The following TMEM182 variants were observed in gnomAD, a reference collection of about 807,000 sequenced individuals.
The protein encoded by TMEM182 is transmembrane protein 182.
In TMEM182, 20 loss-of-function variants were observed where a neutral mutation model predicts 26.8. The ratio of observed to expected loss-of-function variants is 0.75; its 90% confidence interval spans 0.53 to 1.09. TMEM182 has a LOEUF of 1.09. TMEM182 is among the 50% of genes least tolerant of loss of function. The pLI, the probability that TMEM182 is intolerant of heterozygous loss-of-function variation, is 0.00. For missense variants in TMEM182, 277 were observed against 275.5 expected, an observed-to-expected ratio of 1.01 and a Z score of -0.04; for synonymous variants, 109 against 102.2, an observed-to-expected ratio of 1.07 and a Z score of -0.40.
At chr2:102,769,041 G>A (rs1213730972) in intron 3 of TMEM182, among the ~76,000 whole-genome samples, 1 of 152,154 alleles carries the variant, frequency 6.6e-6, no homozygotes, top group African/African-American at 2.4e-5. Flanking sequence ...TACCATCCTT[G>A]GGGGTGGACA....
In TMEM182 at chr2:102,762,619, C is replaced by T; in HGVS notation, c.165C>T (p.Phe55=). 2 of 1,613,830 alleles carry T rather than the reference C, an allele frequency of 1.2e-6. No homozygotes were observed. The highest frequency in any genetic ancestry group is 1.3e-5 in the African/African-American group (1 of 75,002). ...IENVTFHHEG[F]FWRCWFNGIV... is the part of the protein sequence containing the mutation. Reference sequence around the variant, plus strand: ...ACGTCACTTTTCACCATGAAGGGTTCTTCTGGAGGTGTTGGTTTAATGGGA... The same window carrying T: ...ACGTCACTTTTCACCATGAAGGGTTTTTCTGGAGGTGTTGGTTTAATGGGA... The change falls in exon 2 of 5, where the codon TTC becomes TTT. Residue 55 remains phenylalanine (F), a synonymous_variant. Transcript: ENST00000412401.
At chr2:102,820,428 G>A (rs1308680701), downstream of TMEM182, among the ~76,000 whole-genome samples, 2 of 152,142 alleles carry the variant, frequency 1.3e-5, no homozygotes, top group Non-Finnish European at 2.9e-5. Context: ...GGGATATAGA[G>A]AACAGACAAG....
intron 3 of TMEM182, among the ~76,000 whole-genome samples, chr2:102,783,312 G>T (rs1681251565): frequency 6.6e-6 from 1 of 152,190 alleles, no homozygotes; most frequent in Non-Finnish European, 1.5e-5. Context: ...AAACTGGAAA[G>T]TTCAATGTAT....
intron 3 of TMEM182, among the ~76,000 whole-genome samples, chr2:102,840,059 A>AC (rs1356775339): frequency 2.6e-5 from 4 of 152,160 alleles, no homozygotes; most frequent in African/African-American, 9.7e-5. Flanking sequence ...GGGAGAAGAA[A>AC]CCAACATCCC....
At chr2:102,776,123 A>G (rs1031584992) in intron 3 of TMEM182, among the ~76,000 whole-genome samples, 7 of 152,172 alleles carry the variant, frequency 4.6e-5, no homozygotes, top group Non-Finnish European at 8.8e-5. Context: ...AGTTTCTCCT[A>G]TTATTAACAT....
chr2:102,762,408 T>C, intron 1 of TMEM182, 59 bp downstream of exon 1: 1 of 1,603,980 alleles, frequency 6.2e-7, no homozygotes, highest in Non-Finnish European at 8.5e-7. Flanking sequence ...CCCTTATGTA[T>C]GCTCTTGAAA....
chr2:102,823,991 TAAAAG>T (rs1318982117), intron 3 of TMEM182, among the ~76,000 whole-genome samples: 1 of 152,148 alleles, frequency 6.6e-6, no homozygotes, highest in African/African-American at 2.4e-5. Context: ...TGCTTTAAGA[TAAAAG>T]GAAAGTGCAG....
chr2:102,794,586 G>A (rs912190631), intron 3 of TMEM182, among the ~76,000 whole-genome samples: 1 of 152,124 alleles, frequency 6.6e-6, no homozygotes, highest in Admixed American at 6.5e-5. Context: ...TTAGTTGAAG[G>A]TCTTTTCTTT....
At chr2:102,778,232 G>A (rs1385147997) in intron 3 of TMEM182, among the ~76,000 whole-genome samples, 1 of 151,794 alleles carries the variant, frequency 6.6e-6, no homozygotes, top group Non-Finnish European at 1.5e-5. Flanking sequence ...TGTCTTCTTA[G>A]TAGATTGAGC....
intron 1 of TMEM182, among the ~76,000 whole-genome samples, chr2:102,753,485 G>A (rs1011599675): frequency 1.3e-5 from 2 of 151,934 alleles, no homozygotes; most frequent in East Asian, 1.9e-4. Flanking sequence ...AAGGCTATTC[G>A]GCATCAAATA....
intron 4 of TMEM182, among the ~76,000 whole-genome samples, chr2:102,814,182 T>C (rs570577334): frequency 6.6e-6 from 1 of 152,210 alleles, no homozygotes; most frequent in East Asian, 1.9e-4. Flanking sequence ...AGTGCTTACT[T>C]TGGTTTCTAT....
intron 4 of TMEM182, among the ~76,000 whole-genome samples, chr2:102,804,341 C>T (rs1682267523): frequency 6.6e-6 from 1 of 151,978 alleles, no homozygotes; most frequent in Non-Finnish European, 1.5e-5. Flanking sequence ...CCCCAAAGTC[C>T]ATTGTATCAT....
intron 3 of TMEM182, among the ~76,000 whole-genome samples, chr2:102,833,033 T>C (rs1358010609): frequency 6.6e-6 from 1 of 152,162 alleles, no homozygotes; most frequent in Non-Finnish European, 1.5e-5. Flanking sequence ...TCTGAGCCCC[T>C]AATGGCACAC....
At chr2:102,799,672 A>C (rs1682030137) in intron 4 of TMEM182, among the ~76,000 whole-genome samples, 1 of 152,224 alleles carries the variant, frequency 6.6e-6, no homozygotes. Context: ...ACTGAGCAGC[A>C]CGCCTTCCTT....
chr2:102,819,519 T>C (rs1367932216), downstream of TMEM182, among the ~76,000 whole-genome samples: 1 of 152,206 alleles, frequency 6.6e-6, no homozygotes, highest in Admixed American at 6.5e-5. Context: ...TGTATATATA[T>C]GTCTGTGGTA....
chr2:102,768,140 C>G (rs1387070698), intron 3 of TMEM182, among the ~76,000 whole-genome samples: 2 of 152,128 alleles, frequency 1.3e-5, no homozygotes, highest in African/African-American at 4.8e-5. Context: ...ATTCATAGCA[C>G]AGTTTTAAAT....
intron 3 of TMEM182, among the ~76,000 whole-genome samples, chr2:102,775,890 A>C (rs549707469): frequency 6.6e-6 from 1 of 152,338 alleles, no homozygotes; most frequent in South Asian, 2.1e-4. Context: ...AGGTTTTAGC[A>C]CACAAATACT....
intron 3 of TMEM182, among the ~76,000 whole-genome samples, chr2:102,787,377 A>G (rs1429153664): frequency 1.3e-5 from 2 of 152,214 alleles, no homozygotes; most frequent in South Asian, 2.1e-4. Flanking sequence ...CAGAAAGAGA[A>G]TGAACTCTCT....
At position 102,797,858 on chromosome 2, in the gene TMEM182, T is replaced by C. The variant is rs938536404; in HGVS notation, c.332-5T>C. ...TCTTTTCTCTTTTCCTCCTGGGGTC[T>C]CCAGTTTACCGTGGTTTCTGGGCAG... On this transcript the variant is annotated splice_polypyrimidine_tract_variant and splice_region_variant and intron_variant, in intron 3 of 4. Coordinates refer to ENST00000412401, the MANE Select transcript of TMEM182 (RefSeq NM_144632.5). 1 of 1,607,578 alleles carries C rather than the reference T, an allele frequency of 6.2e-7. No homozygotes were observed. The highest frequency in any genetic ancestry group is 8.5e-7 in the Non-Finnish European group (1 of 1,178,432).
Sources: gnomAD v4.1 joint callset for allele counts (sites outside exome capture counted in the v4.1 genomes callset) on GRCh38, gnomAD v4.1.1 for gene constraint, MANE v1.5 for transcripts, NCBI Gene and HGNC (gene_info 2026-07-23, HGNC 2026-07-21) for gene names.